FARS2: variants seen among roughly 807,000 people sequenced by gnomAD.
FARS2 encodes phenylalanine--tRNA ligase, mitochondrial.
Under a neutral mutation model 46.4 loss-of-function variants are expected in FARS2, and 40 were observed. That is an observed-to-expected ratio of 0.86 (90% CI 0.67 to 1.12). The LOEUF (loss-of-function observed/expected upper bound fraction) is 1.12, where lower values mean the gene tolerates loss of function less well. Ranked by LOEUF, FARS2 falls within the 50% of genes most tolerant of loss-of-function variation. The pLI is 0.00. For synonymous variants in FARS2, 234 were observed against 214.9 expected, an observed-to-expected ratio of 1.09 and a Z score of -0.78; for missense variants, 513 against 567.9, an observed-to-expected ratio of 0.90 and a Z score of 0.98.
chr6:5,708,490 C>A (rs1372660861), intron 6 of FARS2, among the ~76,000 whole-genome samples: 1 of 152,054 alleles, frequency 6.6e-6, no homozygotes, highest in Non-Finnish European at 1.5e-5. Context: ...TGAAGGGAAT[C>A]AGGTGAAAAG....
intron 5 of FARS2, among the ~76,000 whole-genome samples, chr6:5,555,174 C>T (rs760453993): frequency 6.6e-5 from 10 of 152,076 alleles, no homozygotes; most frequent in Non-Finnish European, 1.2e-4. Flanking sequence ...TTACGTCTTC[C>T]TCATTTTCTC....
rs1341670929 is a variant in FARS2 at position 5,727,902 on chromosome 6, G to A, written c.1218-43389G>A. 6.6e-6 allele frequency among the ~76,000 whole-genome samples: 1 copy of A among 152,188 alleles called. No individual in the cohort carries two copies. The highest frequency in any genetic ancestry group is 6.5e-5 in the Admixed American group (1 of 15,284). ...CCTCAAGGCAAAGGTTGAGTTGCCC[G>A]TGCAGCTGGGAGGGCCACCAGGTGA... On this transcript the variant is annotated intron_variant, in intron 6 of 6. Transcript: ENST00000274680. The surrounding 1 kb of genome is among the most constrained non-coding windows in gnomAD (Gnocchi z 4.1).
At chr6:5,700,541 G>A (rs1186636124) in intron 6 of FARS2, among the ~76,000 whole-genome samples, 1 of 152,098 alleles carries the variant, frequency 6.6e-6, no homozygotes, top group African/African-American at 2.4e-5. Flanking sequence ...GGGAATACAG[G>A]TGCGCACCAC....
At chr6:5,771,267 C>T (rs895849223) in intron 6 of FARS2, 24 bp from the exon 7 acceptor site, 21 of 1,613,926 alleles carry the variant, frequency 1.3e-5, no homozygotes, top group African/African-American at 4.0e-5. Flanking sequence ...CCCGCACTCA[C>T]CTGTGTTCTC....
At chr6:5,461,417 G>T (rs933308651) in intron 4 of FARS2, among the ~76,000 whole-genome samples, 1 of 151,966 alleles carries the variant, frequency 6.6e-6, no homozygotes, top group Non-Finnish European at 1.5e-5. Flanking sequence ...ATAGCTTATT[G>T]AGGAAAACTT....
intron 3 of FARS2, among the ~76,000 whole-genome samples, chr6:5,428,613 C>T (rs186643658): frequency 4.6e-5 from 7 of 152,184 alleles, no homozygotes; most frequent in Non-Finnish European, 1.0e-4. Flanking sequence ...CACTCACTTC[C>T]ATGTCCCAAG....
At chr6:5,494,511 C>G (rs1248951144) in intron 4 of FARS2, among the ~76,000 whole-genome samples, 1 of 152,176 alleles carries the variant, frequency 6.6e-6, no homozygotes, top group Non-Finnish European at 1.5e-5. Flanking sequence ...CTAGTAAGAG[C>G]AAATTTTCTG....
At chr6:5,381,695 G>T (rs1040766472) in intron 2 of FARS2, among the ~76,000 whole-genome samples, 2 of 152,214 alleles carry the variant, frequency 1.3e-5, no homozygotes, top group Admixed American at 1.3e-4. Flanking sequence ...GGTCGATTAT[G>T]TAAGTAGCAA....
At chr6:5,457,480 ATTGT>A (rs1242325644) in intron 4 of FARS2, among the ~76,000 whole-genome samples, 1 of 152,148 alleles carries the variant, frequency 6.6e-6, no homozygotes, top group Non-Finnish European at 1.5e-5. Flanking sequence ...ATCCCCTGAA[ATTGT>A]TTGTTGAGCA....
intron 6 of FARS2, among the ~76,000 whole-genome samples, chr6:5,673,244 G>A (rs1028410607): frequency 3.2e-4 from 49 of 152,310 alleles, no homozygotes; most frequent in African/African-American, 1.1e-3. Context: ...CCACGTTTGC[G>A]CCTGGAGGGC....
intron 4 of FARS2, among the ~76,000 whole-genome samples, chr6:5,518,948 A>G (rs1351548125): frequency 6.6e-6 from 1 of 152,176 alleles, no homozygotes; most frequent in African/African-American, 2.4e-5. Flanking sequence ...AAGATTTTCA[A>G]ATTAGTGTGA....
intron 5 of FARS2, among the ~76,000 whole-genome samples, chr6:5,585,111 C>CA (rs1773545537): frequency 6.6e-6 from 1 of 151,936 alleles, no homozygotes; most frequent in Non-Finnish European, 1.5e-5. Context: ...GTGGGGAAAA[C>CA]AAATATTTAC....
At chr6:5,677,953 G>A (rs115662547) in intron 6 of FARS2, among the ~76,000 whole-genome samples, 112 of 152,244 alleles carry the variant, frequency 7.4e-4, no homozygotes, top group African/African-American at 2.5e-3. Context: ...GTATGGATTC[G>A]AATGGCATCT....
intron 4 of FARS2, chr6:5,466,808 C>T (rs1338516137): frequency 2.7e-5 from 27 of 985,136 alleles, no homozygotes; most frequent in Non-Finnish European, 3.3e-5. Context: ...TTGTTACCCA[C>T]CTCTGAGAAG....
chr6:5,280,875 G>A (rs1008104960), intron 1 of FARS2, among the ~76,000 whole-genome samples: 1 of 152,158 alleles, frequency 6.6e-6, no homozygotes, highest in African/African-American at 2.4e-5. Context: ...TAAGAAGTAT[G>A]TAGGGGTAGA....
At chr6:5,566,076 C>T (rs915626638) in intron 5 of FARS2, among the ~76,000 whole-genome samples, 3 of 152,110 alleles carry the variant, frequency 2.0e-5, no homozygotes, top group African/African-American at 7.2e-5. Context: ...CCTTGCTATG[C>T]TTTTATTTTA....
chr6:5,425,276 A>G (rs1459399254), intron 3 of FARS2, among the ~76,000 whole-genome samples: 3 of 152,180 alleles, frequency 2.0e-5, no homozygotes, highest in Non-Finnish European at 4.4e-5. Context: ...TTTAGATTCT[A>G]CCATCTGTGG....
upstream of FARS2, among the ~76,000 whole-genome samples, chr6:5,258,431 T>C (rs555542655): frequency 2.6e-5 from 4 of 152,328 alleles, no homozygotes; most frequent in South Asian, 2.1e-4. Flanking sequence ...CACAAGATTA[T>C]TGTCAAAACA....
At chr6:5,405,480 C>CTTTTTTTTTTTTTTTTTTTTTTTTTTT (rs398000284) in intron 3 of FARS2, among the ~76,000 whole-genome samples, 3 of 58,946 alleles carry the variant, frequency 5.1e-5, no homozygotes, top group African/African-American at 6.5e-5. Context: ...GAGCAAGGTT[C>CTTTTTTTTTTTTTTTTTTTTTTTTTTT]TTTTTTTTTT....
Sources: allele counts gnomAD v4.1 joint callset (sites outside exome capture counted in the v4.1 genomes callset), GRCh38; gene constraint gnomAD v4.1.1; non-coding constraint Gnocchi (gnomAD v3.1); transcripts MANE v1.5; gene names NCBI Gene and HGNC (gene_info 2026-07-23, HGNC 2026-07-21).